Variants in FBXO25 observed in about 807,000 individuals in gnomAD.
FBXO25 encodes the protein F-box protein 25.
FBXO25 carries 45 observed loss-of-function variants against 51.9 expected under a neutral mutation model. The ratio of observed to expected loss-of-function variants is 0.87; its 90% CI spans 0.68 to 1.11. The LOEUF (loss-of-function observed/expected upper bound fraction) is 1.11. Among genes scored for constraint, FBXO25 ranks in the 50% most tolerant of loss-of-function variants. The pLI is 0.00. For missense variants in FBXO25, 507 were observed against 428.5 expected, an observed-to-expected ratio of 1.18 and a Z score of -1.62; for synonymous variants, 199 against 151.0, an observed-to-expected ratio of 1.32 and a Z score of -2.33.
chr8:427,165 C>G (rs1339106405), intron 2 of FBXO25, among the ~76,000 whole-genome samples: 2 of 151,974 alleles, frequency 1.3e-5, no homozygotes, highest in African/African-American at 4.8e-5. Context: ...TGACTTAAGA[C>G]AACAACTGGG....
intron 4 of FBXO25, among the ~76,000 whole-genome samples, chr8:434,966 C>T (rs1004600127): frequency 2.0e-5 from 3 of 152,166 alleles, no homozygotes; most frequent in African/African-American, 7.2e-5. Flanking sequence ...GTGCTCCCAG[C>T]CTGAAAGCTG....
chr8:434,242 C>T (rs1441178285), intron 4 of FBXO25, among the ~76,000 whole-genome samples: 4 of 152,128 alleles, frequency 2.6e-5, no homozygotes, highest in Admixed American at 6.5e-5. Context: ...TCACCGCTTC[C>T]GAGGTTACAT....
intron 2 of FBXO25, among the ~76,000 whole-genome samples, chr8:425,881 C>G (rs1479430196): frequency 6.9e-6 from 1 of 144,410 alleles, no homozygotes; most frequent in Non-Finnish European, 1.5e-5. Flanking sequence ...TTTAGGAGGG[C>G]TTTCTTCCTC....
intron 9 of FBXO25, chr8:468,327 AG>A: frequency 2.0e-6 from 2 of 979,056 alleles, no homozygotes; most frequent in Non-Finnish European, 2.5e-6. Flanking sequence ...AAAGTGAGCC[AG>A]GAACAGGAGG....
intron 2 of FBXO25, among the ~76,000 whole-genome samples, chr8:422,001 T>A (rs760442067): frequency 2.6e-5 from 4 of 152,198 alleles, no homozygotes; most frequent in Non-Finnish European, 5.9e-5. Context: ...GAACAGTTCT[T>A]CCTTGTAGAA....
At chr8:450,120 T>G in intron 6 of FBXO25, 37 bp downstream of exon 6, 1 of 1,469,720 alleles carries the variant, frequency 6.8e-7, no homozygotes, top group Non-Finnish European at 9.4e-7. Flanking sequence ...CTCTAAATCT[T>G]AATTAGAAAT....
intron 1 of FBXO25, among the ~76,000 whole-genome samples, chr8:409,105 G>A (rs1796337943): frequency 6.6e-6 from 1 of 152,176 alleles, no homozygotes; most frequent in African/African-American, 2.4e-5. Flanking sequence ...AAACTCAGAA[G>A]CCTCAGTTTG....
At chr8:439,452 A>G (rs1454352749) in intron 5 of FBXO25, among the ~76,000 whole-genome samples, 1 of 152,228 alleles carries the variant, frequency 6.6e-6, no homozygotes, top group East Asian at 1.9e-4. Flanking sequence ...AAGTTTATAT[A>G]TCTAATTTTG....
intron 5 of FBXO25, among the ~76,000 whole-genome samples, chr8:447,799 C>T (rs1273312348): frequency 2.0e-5 from 3 of 152,088 alleles, no homozygotes; most frequent in African/African-American, 7.2e-5. Flanking sequence ...TGGAATTTTC[C>T]ACTTGTGGCA....
chr8:452,541 T>A (rs1001158750), intron 7 of FBXO25, among the ~76,000 whole-genome samples: 2 of 152,230 alleles, frequency 1.3e-5, no homozygotes, highest in African/African-American at 4.8e-5. Context: ...TTTCTCCTGA[T>A]GAGGCAGATC....
intron 5 of FBXO25, among the ~76,000 whole-genome samples, chr8:437,868 TCTA>T (rs1563078635): frequency 6.6e-6 from 1 of 152,178 alleles, no homozygotes; most frequent in Non-Finnish European, 1.5e-5. Context: ...GTCTTGTAGT[TCTA>T]CTAAATAATT....
At chr8:423,355 A>C (rs1797270937) in intron 2 of FBXO25, among the ~76,000 whole-genome samples, 1 of 152,168 alleles carries the variant, frequency 6.6e-6, no homozygotes, top group South Asian at 2.1e-4. Context: ...TGTTACATGA[A>C]AATATTGCAT....
Position 461,214 on chromosome 8 carries a change from A to G in FBXO25, c.844-1793A>G, listed in dbSNP as rs1018080734. Among the ~76,000 whole-genome samples, 10 of 152,140 alleles carry G rather than the reference A, an allele frequency of 6.6e-5. No homozygotes were observed. In the South Asian group the frequency reaches 1.5e-3, roughly 22 times the overall value. On this transcript the variant is annotated intron_variant, in intron 8 of 9. Transcript: ENST00000350302. ...TTTTTGGTAACACCTTTATTAAGAT[A>G]CCCTCCACTTTATGCAGCCATCACT...
At chr8:429,872 C>T (rs1797712900) in intron 2 of FBXO25, among the ~76,000 whole-genome samples, 1 of 152,228 alleles carries the variant, frequency 6.6e-6, no homozygotes, top group Non-Finnish European at 1.5e-5. Flanking sequence ...GTGTGGGTAG[C>T]CCCCAGGGAG....
chr8:468,364 A>C, intron 9 of FBXO25: 4 of 774,846 alleles, frequency 5.2e-6, no homozygotes, highest in Non-Finnish European at 6.3e-6. Flanking sequence ...GGCTGGGACC[A>C]GAGGACAGAA....
At chr8:454,270 G>C (rs1799276331) in intron 7 of FBXO25, among the ~76,000 whole-genome samples, 1 of 152,210 alleles carries the variant, frequency 6.6e-6, no homozygotes, top group Non-Finnish European at 1.5e-5. Context: ...TGCTGTTTAA[G>C]CTGCATTTGA....
intron 1 of FBXO25, among the ~76,000 whole-genome samples, chr8:412,856 A>G (rs1796566534): frequency 6.6e-6 from 1 of 152,212 alleles, no homozygotes; most frequent in Non-Finnish European, 1.5e-5. Flanking sequence ...GATACGCAGT[A>G]TTAGGCCAGT....
chr8:421,830 G>A (rs1410243041), intron 2 of FBXO25, among the ~76,000 whole-genome samples: 2 of 152,064 alleles, frequency 1.3e-5, no homozygotes, highest in Non-Finnish European at 2.9e-5. Flanking sequence ...ATATCAGAAG[G>A]GTAGATGTCC....
chr8:414,920 C>T (rs1305758537), intron 2 of FBXO25, among the ~76,000 whole-genome samples: 2 of 152,184 alleles, frequency 1.3e-5, no homozygotes, highest in Non-Finnish European at 2.9e-5. Context: ...GACTTTTGTC[C>T]GTTCCTACCA....
Sources: allele counts gnomAD v4.1 joint callset (sites outside exome capture counted in the v4.1 genomes callset), GRCh38; gene constraint gnomAD v4.1.1; transcripts MANE v1.5; gene names NCBI Gene and HGNC (gene_info 2026-07-23, HGNC 2026-07-21).